Variants in CCDC73 observed in about 807,000 individuals in gnomAD.
CCDC73 encodes coiled-coil domain-containing protein 73.
Under a neutral mutation model 116.5 loss-of-function variants are expected in CCDC73, and 95 were observed. The observed-to-expected ratio is 0.82, with a 90% CI of 0.69 to 0.97. The LOEUF (loss-of-function observed/expected upper bound fraction) is 0.97. Among genes scored for constraint, CCDC73 ranks in the 50% least tolerant of loss-of-function variants. The pLI, the probability that CCDC73 is intolerant of heterozygous loss-of-function variation, is 0.00. For missense variants in CCDC73, 1,066 were observed against 1,206.8 expected (o/e 0.88, Z 1.73); for synonymous variants, 398 against 401.3 (o/e 0.99, Z 0.10).
intron 2 of CCDC73, among the ~76,000 whole-genome samples, chr11:32,721,310 C>T (rs1849987557): frequency 2.0e-5 from 3 of 152,106 alleles, no homozygotes; most frequent in Admixed American, 2.0e-4. Context: ...CAGGAATGAG[C>T]CACTGCACTT....
intron 2 of CCDC73, among the ~76,000 whole-genome samples, chr11:32,727,762 G>T (rs1313327285): frequency 1.3e-5 from 2 of 152,036 alleles, no homozygotes; most frequent in Admixed American, 1.3e-4. Flanking sequence ...AGTAGAGATG[G>T]GGTTTCACCA....
intron 9 of CCDC73, among the ~76,000 whole-genome samples, chr11:32,660,691 G>T (rs1855915334): frequency 2.6e-5 from 4 of 151,932 alleles, no homozygotes; most frequent in African/African-American, 7.2e-5. Context: ...AGGCATAGTG[G>T]CATGCCTCTG....
intron 12 of CCDC73, among the ~76,000 whole-genome samples, chr11:32,642,524 A>AGTG (rs1855742413): frequency 6.6e-6 from 1 of 152,038 alleles, no homozygotes. Flanking sequence ...TTAATTTCAA[A>AGTG]TTAACACTTT....
At chr11:32,633,249 C>T (rs1855648134) in intron 14 of CCDC73, among the ~76,000 whole-genome samples, 7 of 151,966 alleles carry the variant, frequency 4.6e-5, no homozygotes, top group Admixed American at 3.9e-4. Context: ...ACTTCTAACT[C>T]AAATGATCAA....
At position 32,771,947 on chromosome 11, in the gene CCDC73, C is replaced by T. The variant is rs529821390; in HGVS notation, c.-15-11689G>A. On this transcript the variant is annotated intron_variant, in intron 1 of 17. Coordinates refer to ENST00000335185, the MANE Select transcript of CCDC73 (RefSeq NM_001008391.4). The stretch of plus-strand genomic sequence containing the variant: ...CTGCCATGCCATGTTATACAAAGAA[C>T]GAGAAGTTCAGAATCAAAGACTACA... Among the ~76,000 whole-genome samples, 55 of 152,198 alleles carry T rather than the reference C, an allele frequency of 3.6e-4. 1 individual carries two copies. Among genetic ancestry groups the T allele is most frequent in the Middle Eastern group, 3.4e-3 (1 of 294 alleles).
chr11:32,618,025 C>T (rs140373375), intron 14 of CCDC73, among the ~76,000 whole-genome samples: 22 of 152,256 alleles, frequency 1.4e-4, no homozygotes, highest in Admixed American at 3.3e-4. Context: ...CAACTGTTGT[C>T]TTCTTCCCTC....
At chr11:32,604,795 T>TAA (rs1455604029) in intron 17 of CCDC73, 1 of 152,244 alleles carries the variant, frequency 6.6e-6, no homozygotes, top group Admixed American at 6.5e-5. Context: ...ATTTGACCAG[T>TAA]AAAAGTGGCA....
intron 2 of CCDC73, among the ~76,000 whole-genome samples, chr11:32,749,446 T>C (rs538734256): frequency 1.3e-4 from 20 of 152,288 alleles, no homozygotes; most frequent in Middle Eastern, 6.8e-3. Flanking sequence ...CCTGAATTTC[T>C]TTGAGCTTCC....
the CCDC73 span, among the ~76,000 whole-genome samples, chr11:32,801,327 C>T: frequency 6.6e-6 from 1 of 152,162 alleles, no homozygotes; most frequent in Admixed American, 6.6e-5. Context: ...CTTCCCCAAT[C>T]CACATGGTGG....
chr11:32,827,872 T>C, the CCDC73 span, among the ~76,000 whole-genome samples: 1 of 152,184 alleles, frequency 6.6e-6, no homozygotes, highest in Non-Finnish European at 1.5e-5. Context: ...GTTGACTCAA[T>C]GAATAAACAG....
rs572616352 is a variant in CCDC73, at chr11:32,699,745, G to A, written c.316-420C>T. 4.6e-5 allele frequency among the ~76,000 whole-genome samples: 7 copies of A among 152,060 alleles called. No homozygotes were observed. The East Asian group carries it at 5.8e-4, about 13-fold the overall frequency. On this transcript the variant is annotated intron_variant, in intron 5 of 17. Transcript: ENST00000335185. ...GGGCCTGTTGTGGGGTGGGGGGAGCGGAGAGGGTTAGCATTAGGAGATATA... is the reference window on the plus strand; with the variant it reads ...GGGCCTGTTGTGGGGTGGGGGGAGCAGAGAGGGTTAGCATTAGGAGATATA...
Position 32,665,726 on chromosome 11 carries a change from G to C in CCDC73, c.645+9839C>G, listed in dbSNP as rs181398480. ...ATGATGTTAGATGGTTATTTTCCTT[G>C]TTAGTTGATGCAGTTTCTTCCTAGC... On this transcript the variant is annotated intron_variant, in intron 9 of 17. Transcript: ENST00000335185. Among the ~76,000 whole-genome samples the C allele has an allele frequency of 5.5e-3, 835 of 152,222 alleles. 11 individuals carry two copies. The highest frequency in any genetic ancestry group is 0.012 in the South Asian group (59 of 4,820).
chr11:32,736,318 AAAAC>A (rs1459793072), intron 2 of CCDC73, among the ~76,000 whole-genome samples: 2 of 152,220 alleles, frequency 1.3e-5, no homozygotes, highest in Non-Finnish European at 2.9e-5. Flanking sequence ...TTACAAGAAA[AAAAC>A]AAACAACCCC....
rs1327237825 is a variant in CCDC73 at position 32,755,629 on chromosome 11, C to A, written c.135+4480G>T. ...TATATATGTGTGTGTATATATATAT[C>A]TCCATATATATGTGTATATATATAT... is the stretch of plus-strand genomic sequence containing the variant. On this transcript the variant is annotated intron_variant, in intron 2 of 17. Coordinates refer to ENST00000335185, the MANE Select transcript of CCDC73 (RefSeq NM_001008391.4). Among the ~76,000 whole-genome samples the A allele has an allele frequency of 8.9e-5, 8 of 90,302 alleles. 1 individual carries two copies. Among genetic ancestry groups the A allele is most frequent in the Admixed American group, 3.7e-4 (3 of 8,100 alleles). The allele number at this position is 90,302 out of a possible 152,430, so 59.2% of individuals were successfully genotyped here. A position where few individuals can be genotyped will look rare whatever the true frequency, so the allele number is the denominator to read the frequency against.
intron 3 of CCDC73, among the ~76,000 whole-genome samples, chr11:32,712,323 G>C (rs1219291009): frequency 6.6e-6 from 1 of 152,098 alleles, no homozygotes; most frequent in Non-Finnish European, 1.5e-5. Flanking sequence ...GTTCCAGTTA[G>C]ATGGAAAGAA....
intron 1 of CCDC73, among the ~76,000 whole-genome samples, chr11:32,763,642 G>C (rs1240959628): frequency 6.6e-6 from 1 of 152,140 alleles, no homozygotes; most frequent in Non-Finnish European, 1.5e-5. Flanking sequence ...ACCAAAGGTA[G>C]ATAAAATCAA....
chr11:32,714,466 G>A (rs1161814467), intron 3 of CCDC73, among the ~76,000 whole-genome samples: 6 of 152,012 alleles, frequency 3.9e-5, no homozygotes, highest in African/African-American at 9.7e-5. Context: ...ATGACCAAAA[G>A]CTCAGAGGTA....
chr11:32,669,993 T>C (rs1324159971), intron 9 of CCDC73, among the ~76,000 whole-genome samples: 1 of 152,202 alleles, frequency 6.6e-6, no homozygotes, highest in East Asian at 1.9e-4. Context: ...AGTGGGGTTG[T>C]CAATTGAGTC....
At chr11:32,794,859 CGGTTTGTTTTT>C (rs987577814), upstream of CCDC73, among the ~76,000 whole-genome samples, 3 of 137,324 alleles carry the variant, frequency 2.2e-5, no homozygotes, top group Non-Finnish European at 3.1e-5. Flanking sequence ...TGTTTGTTTT[CGGTTTGTTTTT>C]GGTTTTTTTT....
Sources: gnomAD v4.1 joint callset for allele counts (sites outside exome capture counted in the v4.1 genomes callset) on GRCh38, gnomAD v4.1.1 for gene constraint, MANE v1.5 for transcripts, NCBI Gene and HGNC (gene_info 2026-07-23, HGNC 2026-07-21) for gene names.